Variants in ROBO1 observed in about 807,000 individuals in gnomAD.
The protein encoded by ROBO1 is roundabout guidance receptor 1, also known as roundabout homolog 1.
In ROBO1, 149 loss-of-function variants were observed where a neutral mutation model predicts 195.9. The ratio of observed to expected loss-of-function variants is 0.76; its 90% CI spans 0.67 to 0.87. The LOEUF (loss-of-function observed/expected upper bound fraction) is 0.87. ROBO1 is among the 40% of genes least tolerant of loss of function. ROBO1 has a pLI of 0.00. For missense variants in ROBO1, 1,933 were observed against 2,068.3 expected, an observed-to-expected ratio of 0.93 and a Z score of 1.27; for synonymous variants, 816 against 733.2, an observed-to-expected ratio of 1.11 and a Z score of -1.82.
intron 2 of ROBO1, among the ~76,000 whole-genome samples, chr3:79,278,509 C>T (rs375325764): frequency 6.6e-6 from 1 of 152,064 alleles, no homozygotes; most frequent in East Asian, 1.9e-4. Context: ...CCAATGGAAC[C>T]GGTTAGAGAA....
intron 2 of ROBO1, among the ~76,000 whole-genome samples, chr3:79,290,618 T>C (rs1030910927): frequency 2.6e-5 from 4 of 152,172 alleles, no homozygotes; most frequent in African/African-American, 9.6e-5. Flanking sequence ...ATGCTCTGAC[T>C]GTCCCTAGAA....
intron 2 of ROBO1, among the ~76,000 whole-genome samples, chr3:79,150,630 T>C (rs1467279308): frequency 6.6e-6 from 1 of 151,932 alleles, no homozygotes; most frequent in East Asian, 1.9e-4. Flanking sequence ...CCCAAATTCA[T>C]GTTTAAACAT....
intron 3 of ROBO1, among the ~76,000 whole-genome samples, chr3:78,967,831 GAAATT>G: frequency 1.3e-5 from 2 of 152,170 alleles, no homozygotes; most frequent in Middle Eastern, 6.8e-3. Flanking sequence ...AAATTAGGGT[GAAATT>G]AAATGGTATC....
rs1310575095 is a variant in ROBO1 at position 79,281,604 on chromosome 3, TTG to T, written c.89-156067_89-156066del. ...TACATTTACTGTAAAATTAATTAGA[TTG>T]TGTTTTTATTTATTTAGTCAGTAAA... On this transcript the variant is annotated intron_variant, in intron 2 of 30. Coordinates refer to ENST00000464233, the MANE Select transcript of ROBO1 (RefSeq NM_002941.4). Among the ~76,000 whole-genome samples, 219 of 152,280 alleles carry T rather than the reference TTG, an allele frequency of 1.4e-3. 2 individuals are homozygous for T. The highest frequency in any genetic ancestry group is 2.1e-3 in the Non-Finnish European group (144 of 68,014).
At chr3:79,686,334 C>A (rs1947111666) in intron 1 of ROBO1, among the ~76,000 whole-genome samples, 1 of 152,106 alleles carries the variant, frequency 6.6e-6, no homozygotes. Flanking sequence ...CCTCTCTCAC[C>A]ACTCCTATTC....
intron 3 of ROBO1, among the ~76,000 whole-genome samples, chr3:79,050,356 A>AAT: frequency 6.6e-6 from 1 of 152,292 alleles, no homozygotes; most frequent in Non-Finnish European, 1.5e-5. Flanking sequence ...AACTATCCTA[A>AAT]ATATATATGC....
chr3:79,743,693 T>C lies in ROBO1; in HGVS notation c.-51+24059A>G, dbSNP rs150288814. 2.2e-4 allele frequency among the ~76,000 whole-genome samples: 34 copies of C among 152,354 alleles called. No individual in the cohort carries two copies. The East Asian group carries it at 4.2e-3, about 19-fold the overall frequency. On this transcript the variant is annotated intron_variant, in intron 1 of 30. Coordinates refer to ENST00000464233, the MANE Select transcript of ROBO1 (RefSeq NM_002941.4). The stretch of plus-strand genomic sequence containing the variant: ...CAGCTACACAAAAATATTTTCTTTC[T>C]GTATATATCCTTAGTTTATAAGCTT...
intron 2 of ROBO1, among the ~76,000 whole-genome samples, chr3:79,247,772 C>A: frequency 6.6e-6 from 1 of 152,042 alleles, no homozygotes; most frequent in East Asian, 1.9e-4. Context: ...TATGCCATGG[C>A]ATAGAATCAA....
chr3:78,690,197 C>T (rs563282771), intron 8 of ROBO1, among the ~76,000 whole-genome samples: 2 of 150,778 alleles, frequency 1.3e-5, no homozygotes, highest in East Asian at 3.9e-4. Flanking sequence ...ACATGTAAAA[C>T]GACTTGATGA....
chr3:79,165,045 T>C (rs1423480702), intron 2 of ROBO1, among the ~76,000 whole-genome samples: 1 of 152,184 alleles, frequency 6.6e-6, no homozygotes, highest in Non-Finnish European at 1.5e-5. Context: ...GGTATACTTA[T>C]TGTTTATGTT....
In ROBO1 at chr3:79,360,357, G is replaced by T. The variant is rs1384679383; in HGVS notation, c.88+229467C>A. Among the ~76,000 whole-genome samples, 3 of 151,656 alleles carry T rather than the reference G, an allele frequency of 2.0e-5. No individual in the cohort carries two copies. In the East Asian group the frequency reaches 5.8e-4, roughly 29 times the overall value. ...ACTATCCGTGAATAAATTTTCTGAG[G>T]TTTTTAAATTTTCTGTTGACATTAG... is the stretch of plus-strand genomic sequence containing the variant. On this transcript the variant is annotated intron_variant, in intron 2 of 30. Coordinates refer to ENST00000464233, the MANE Select transcript of ROBO1 (RefSeq NM_002941.4).
intron 1 of ROBO1, among the ~76,000 whole-genome samples, chr3:79,649,532 A>C (rs1252878448): frequency 6.6e-6 from 1 of 152,160 alleles, no homozygotes; most frequent in African/African-American, 2.4e-5. Context: ...GTGAATCAAA[A>C]GAATCATGAG....
intron 3 of ROBO1, among the ~76,000 whole-genome samples, chr3:78,989,605 C>T (rs914030288): frequency 4.6e-5 from 7 of 151,982 alleles, no homozygotes; most frequent in Admixed American, 3.9e-4. Flanking sequence ...CAGAGTGAGA[C>T]GCTGTCTGAA....
intron 2 of ROBO1, among the ~76,000 whole-genome samples, chr3:79,535,413 G>C (rs1010667610): frequency 6.6e-6 from 1 of 152,146 alleles, no homozygotes; most frequent in Non-Finnish European, 1.5e-5. Context: ...GAGTTCATGA[G>C]AAGAAAGGGA....
chr3:79,531,932 G>A (rs1941678641), intron 2 of ROBO1, among the ~76,000 whole-genome samples: 2 of 152,150 alleles, frequency 1.3e-5, no homozygotes, highest in South Asian at 2.1e-4. Flanking sequence ...GAGATAGTAG[G>A]AACAGGAGAA....
chr3:79,310,452 T>C (rs1018350532), intron 2 of ROBO1, among the ~76,000 whole-genome samples: 1 of 152,232 alleles, frequency 6.6e-6, no homozygotes. Flanking sequence ...TGGAAGTCTA[T>C]GCTGCTCAGG....
intron 26 of ROBO1, among the ~76,000 whole-genome samples, chr3:78,623,365 T>C (rs1035278716): frequency 1.3e-5 from 2 of 152,064 alleles, no homozygotes; most frequent in African/African-American, 4.8e-5. Context: ...TGGGAGAGCA[T>C]GTGCAAAGAT....
At chr3:79,743,120 T>C (rs1290786643) in intron 1 of ROBO1, among the ~76,000 whole-genome samples, 1 of 152,202 alleles carries the variant, frequency 6.6e-6, no homozygotes, top group Admixed American at 6.5e-5. Context: ...CAGTTAATGA[T>C]GGAAATACAT....
At chr3:79,646,727 AT>A (rs1374977086) in intron 1 of ROBO1, among the ~76,000 whole-genome samples, 2 of 152,166 alleles carry the variant, frequency 1.3e-5, no homozygotes, top group African/African-American at 2.4e-5. Flanking sequence ...TTATTCACAC[AT>A]TAAGAAGAAT....
Sources: gnomAD v4.1 joint callset for allele counts (sites outside exome capture counted in the v4.1 genomes callset) on GRCh38, gnomAD v4.1.1 for gene constraint, MANE v1.5 for transcripts, NCBI Gene and HGNC (gene_info 2026-07-23, HGNC 2026-07-21) for gene names.